ZCCHC7: variants seen among roughly 807,000 people sequenced by gnomAD.
ZCCHC7 encodes the protein zinc finger CCHC domain-containing protein 7.
ZCCHC7 carries 35 observed loss-of-function variants against 52.0 expected under a neutral mutation model. The observed-to-expected ratio is 0.67, with a 90% confidence interval of 0.51 to 0.89. The LOEUF (loss-of-function observed/expected upper bound fraction) is 0.89. Among genes scored for constraint, ZCCHC7 ranks in the 40% least tolerant of loss-of-function variants. ZCCHC7 has a pLI of 0.00. For synonymous variants in ZCCHC7, 217 were observed against 221.5 expected, an observed-to-expected ratio of 0.98 and a Z score of 0.18; for missense variants, 574 against 649.1, an observed-to-expected ratio of 0.88 and a Z score of 1.26.
chr9:37,332,590 A>G (rs922232699), intron 6 of ZCCHC7, among the ~76,000 whole-genome samples: 1 of 151,400 alleles, frequency 6.6e-6, no homozygotes, highest in Admixed American at 6.6e-5. Flanking sequence ...AGGAATGATA[A>G]TTACTACATT....
At chr9:37,124,640 A>G (rs1436322175) in intron 1 of ZCCHC7, among the ~76,000 whole-genome samples, 1 of 152,174 alleles carries the variant, frequency 6.6e-6, no homozygotes, top group Non-Finnish European at 1.5e-5. Flanking sequence ...ATGGAAGCCC[A>G]TAAAAGGGGC....
intron 2 of ZCCHC7, among the ~76,000 whole-genome samples, chr9:37,208,485 G>A (rs996198573): frequency 2.6e-5 from 4 of 152,286 alleles, no homozygotes; most frequent in Admixed American, 6.5e-5. Context: ...AAAAAGAAGG[G>A]TGAGAGCAAG....
intron 2 of ZCCHC7, among the ~76,000 whole-genome samples, chr9:37,265,262 C>T (rs78207231): frequency 0.05 from 7,645 of 152,100 alleles, 623 homozygotes; most frequent in African/African-American, 0.17. Flanking sequence ...AGTAAGTAGA[C>T]GTTCCAGTTT....
intron 2 of ZCCHC7, among the ~76,000 whole-genome samples, chr9:37,221,653 G>A (rs913276225): frequency 2.6e-5 from 4 of 152,142 alleles, no homozygotes; most frequent in Admixed American, 6.5e-5. Flanking sequence ...GAGCATGATA[G>A]TAACTAGATT....
At chr9:37,277,903 A>T (rs1827756430) in intron 2 of ZCCHC7, among the ~76,000 whole-genome samples, 1 of 152,162 alleles carries the variant, frequency 6.6e-6, no homozygotes, top group Non-Finnish European at 1.5e-5. Context: ...CCAGATATAA[A>T]TAAAAAGAAA....
chr9:37,175,755 T>C (rs1331779651), intron 2 of ZCCHC7, among the ~76,000 whole-genome samples: 1 of 152,120 alleles, frequency 6.6e-6, no homozygotes, highest in Non-Finnish European at 1.5e-5. Context: ...AAATTTTTTC[T>C]CCCATTTTAT....
At chr9:37,237,465 C>T (rs1185694447) in intron 2 of ZCCHC7, among the ~76,000 whole-genome samples, 3 of 152,150 alleles carry the variant, frequency 2.0e-5, no homozygotes, top group Non-Finnish European at 2.9e-5. Context: ...TGTCTTTCCC[C>T]TTGACTGTAT....
intron 2 of ZCCHC7, among the ~76,000 whole-genome samples, chr9:37,259,654 C>T (rs1372549467): frequency 6.6e-6 from 1 of 152,112 alleles, no homozygotes; most frequent in African/African-American, 2.4e-5. Context: ...TTTCTAAAAG[C>T]TTTAACTCTA....
At chr9:37,292,079 G>A (rs150748034) in intron 2 of ZCCHC7, among the ~76,000 whole-genome samples, 125 of 152,314 alleles carry the variant, frequency 8.2e-4, no homozygotes, top group African/African-American at 2.9e-3. Context: ...GTTCATGCAT[G>A]ATAATTGATG....
chr9:37,181,565 C>G (rs889516563), intron 2 of ZCCHC7, among the ~76,000 whole-genome samples: 2 of 152,162 alleles, frequency 1.3e-5, no homozygotes, highest in African/African-American at 4.8e-5. Context: ...CAGATTCATG[C>G]TTTAACATAC....
intron 2 of ZCCHC7, among the ~76,000 whole-genome samples, chr9:37,253,646 C>T (rs2133406660): frequency 6.6e-6 from 1 of 152,110 alleles, no homozygotes; most frequent in South Asian, 2.1e-4. Flanking sequence ...CATTAAACTT[C>T]AGCAGAGACT....
chr9:37,306,098 C>T (rs1016038279), intron 5 of ZCCHC7, among the ~76,000 whole-genome samples: 2 of 151,828 alleles, frequency 1.3e-5, no homozygotes, highest in African/African-American at 4.9e-5. Context: ...GACATAGTCT[C>T]ACTCTGTCAC....
At chr9:37,271,460 T>C (rs1239959396) in intron 2 of ZCCHC7, among the ~76,000 whole-genome samples, 2 of 152,266 alleles carry the variant, frequency 1.3e-5, no homozygotes, top group Non-Finnish European at 2.9e-5. Context: ...TATATATTTA[T>C]CAGGTAATTA....
rs11324134 is a variant in ZCCHC7, at chr9:37,322,595, A to AT, written c.952-5195dup. Among the ~76,000 whole-genome samples, 96 of 148,878 alleles carry AT rather than the reference A, an allele frequency of 6.4e-4. No homozygotes were observed. In the East Asian group the frequency reaches 0.018, roughly 27 times the overall value. ...CAACATCAGGATTATCTGATCCAGT[A>AT]TTTTTTTTTAACAACTAAAAACATC... is the stretch of plus-strand genomic sequence containing the variant. On this transcript the variant is annotated intron_variant, in intron 5 of 8. Coordinates refer to ENST00000336755, the MANE Select transcript of ZCCHC7 (RefSeq NM_032226.3).
intron 2 of ZCCHC7, among the ~76,000 whole-genome samples, chr9:37,135,095 A>G (rs1842944843): frequency 6.6e-6 from 1 of 152,174 alleles, no homozygotes; most frequent in African/African-American, 2.4e-5. Flanking sequence ...TCTTAGCCGT[A>G]TATCCTGGCG....
At chr9:37,171,712 T>G (rs1821739306) in intron 2 of ZCCHC7, among the ~76,000 whole-genome samples, 1 of 152,220 alleles carries the variant, frequency 6.6e-6, no homozygotes, top group Admixed American at 6.5e-5. Flanking sequence ...GTTTAGGGAC[T>G]CTTCTTCCCT....
rs190354342 is a variant in ZCCHC7 at position 37,214,200 on chromosome 9, C to G, written c.610+87258C>G. Among the ~76,000 whole-genome samples the G allele has an allele frequency of 2.6e-5, 4 of 152,146 alleles. No homozygotes were observed. In the East Asian group the frequency reaches 7.7e-4, roughly 29 times the overall value. On this transcript the variant is annotated intron_variant, in intron 2 of 8. Coordinates refer to ENST00000336755, the MANE Select transcript of ZCCHC7 (RefSeq NM_032226.3). ...TTTAACATAAAATCATACTGAAACA[C>G]TCATTAACACATTTGAGTATACTAT... is the stretch of plus-strand genomic sequence containing the variant.
At chr9:37,199,690 TTCTG>T (rs916559309) in intron 2 of ZCCHC7, among the ~76,000 whole-genome samples, 20 of 68,044 alleles carry the variant, frequency 2.9e-4, no homozygotes, top group South Asian at 2.4e-3. Flanking sequence ...CTGTCTGTCT[TTCTG>T]TCTGTCTTTC....
chr9:37,251,459 C>T (rs1483313126), intron 2 of ZCCHC7, among the ~76,000 whole-genome samples: 1 of 152,102 alleles, frequency 6.6e-6, no homozygotes, highest in Non-Finnish European at 1.5e-5. Flanking sequence ...TTCTTTACCT[C>T]TCCCCTCCCC....
Sources: gnomAD v4.1 joint callset for allele counts (sites outside exome capture counted in the v4.1 genomes callset) on GRCh38, gnomAD v4.1.1 for gene constraint, MANE v1.5 for transcripts, NCBI Gene and HGNC (gene_info 2026-07-23, HGNC 2026-07-21) for gene names.